The following PCDH9 variants were observed in gnomAD, a reference collection of about 807,000 sequenced individuals.
PCDH9 encodes protocadherin-9.
In PCDH9, 24 loss-of-function variants were observed where a neutral mutation model predicts 70.6. The observed-to-expected ratio is 0.34, with a 90% CI of 0.25 to 0.48. The LOEUF (loss-of-function observed/expected upper bound fraction) is 0.48. Ranked by LOEUF, PCDH9 falls within the 20% of genes least tolerant of loss-of-function variation. The probability of loss-of-function intolerance (pLI) is 0.99; values close to 1 mark genes in which losing one functional copy is unlikely to be tolerated. For synonymous variants in PCDH9, 562 were observed against 558.5 expected, an observed-to-expected ratio of 1.01 and a Z score of -0.09; for missense variants, 1,281 against 1,503.6, an observed-to-expected ratio of 0.85 and a Z score of 2.45.
chr13:66,931,441 AAATAAAT>A (rs1257595325), intron 2 of PCDH9, among the ~76,000 whole-genome samples: 1 of 152,108 alleles, frequency 6.6e-6, no homozygotes, highest in Non-Finnish European at 1.5e-5. Flanking sequence ...GTCTCCAAAA[AAATAAAT>A]TACTTGGCCA....
chr13:66,699,212 C>T (rs1207158398), intron 3 of PCDH9, among the ~76,000 whole-genome samples: 1 of 152,116 alleles, frequency 6.6e-6, no homozygotes, highest in East Asian at 1.9e-4. Flanking sequence ...CTGCGCCTGG[C>T]CCCAATTCCC....
intron 2 of PCDH9, among the ~76,000 whole-genome samples, chr13:66,922,305 G>A (rs900760391): frequency 5.3e-5 from 8 of 151,218 alleles, no homozygotes; most frequent in Non-Finnish European, 1.2e-4. Flanking sequence ...GTTCTATTTG[G>A]AATTATTAAA....
At chr13:66,604,613 T>C (rs1473180977) in intron 4 of PCDH9, among the ~76,000 whole-genome samples, 1 of 152,098 alleles carries the variant, frequency 6.6e-6, no homozygotes, top group African/African-American at 2.4e-5. Context: ...GATTTTTTCC[T>C]GAGGTGATTA....
At chr13:66,670,344 A>T (rs1044619677) in intron 3 of PCDH9, among the ~76,000 whole-genome samples, 3 of 152,230 alleles carry the variant, frequency 2.0e-5, no homozygotes, top group South Asian at 2.1e-4. Context: ...TGTCAGTAAT[A>T]TCACTAATAT....
chr13:66,855,922 A>T (rs182014616), intron 3 of PCDH9, among the ~76,000 whole-genome samples: 148 of 152,100 alleles, frequency 9.7e-4, no homozygotes, highest in Middle Eastern at 3.4e-3. Context: ...AATTCTATAA[A>T]TGACTTCAAA....
At chr13:67,185,685 A>G (rs1198855706) in intron 2 of PCDH9, among the ~76,000 whole-genome samples, 3 of 152,240 alleles carry the variant, frequency 2.0e-5, no homozygotes, top group Non-Finnish European at 2.9e-5. Flanking sequence ...TTCCTTTCCA[A>G]ATTATTTTCT....
At chr13:66,796,642 G>GTTCA (rs34139328) in intron 3 of PCDH9, among the ~76,000 whole-genome samples, 131,148 of 151,880 alleles carry the variant, frequency 0.86, 59,879 homozygotes, top group Non-Finnish European at 1. Context: ...CAGAATATAG[G>GTTCA]TTCACTGTAG....
intron 2 of PCDH9, among the ~76,000 whole-genome samples, chr13:67,036,438 C>T (rs1234597907): frequency 1.3e-5 from 2 of 152,170 alleles, no homozygotes; most frequent in East Asian, 3.9e-4. Context: ...CTTCAGGTCT[C>T]AGTGGCATTC....
intron 3 of PCDH9, among the ~76,000 whole-genome samples, chr13:66,744,532 G>A (rs1358727089): frequency 6.6e-6 from 1 of 152,110 alleles, no homozygotes; most frequent in East Asian, 1.9e-4. Context: ...CACAAAACAT[G>A]TTCACATGAG....
chr13:66,347,760 A>T (rs1956234030), intron 4 of PCDH9, among the ~76,000 whole-genome samples: 1 of 152,006 alleles, frequency 6.6e-6, no homozygotes, highest in Non-Finnish European at 1.5e-5. Context: ...AGCTGTGTCC[A>T]TTTGGCTAAT....
chr13:66,593,794 A>G (rs1014977498), intron 4 of PCDH9, among the ~76,000 whole-genome samples: 2 of 151,730 alleles, frequency 1.3e-5, no homozygotes, highest in Admixed American at 6.6e-5. Flanking sequence ...AAAGGATGAA[A>G]TTGATTTGTG....
intron 2 of PCDH9, among the ~76,000 whole-genome samples, chr13:67,110,246 G>A (rs1030313035): frequency 8.6e-5 from 13 of 151,560 alleles, no homozygotes; most frequent in Admixed American, 2.0e-4. Context: ...AGATACGGCC[G>A]GGTGCAGTGG....
intron 2 of PCDH9, among the ~76,000 whole-genome samples, chr13:66,956,477 G>A (rs573636138): frequency 3.9e-5 from 6 of 152,146 alleles, no homozygotes; most frequent in South Asian, 2.1e-4. Context: ...GGCCAGGTGC[G>A]GTGGTGGTTC....
rs536303156 is a variant in PCDH9 at position 66,985,598 on chromosome 13, C to G, written c.3037-81993G>C. On this transcript the variant is annotated intron_variant, in intron 2 of 4. Transcript: ENST00000377865. ...GCTATAATTGTATTTTGGTTTCTGC[C>G]AGGCATCAGGATAGCTCATTTGCAT... The G allele has an allele frequency of 2.0e-5, 3 of 152,128 alleles. No homozygotes were observed. The South Asian group carries it at 6.2e-4, about 32-fold the overall frequency. The allele number at this position is 152,128 out of a possible 1,614,324, so 9.4% of individuals were successfully genotyped here. A position where few individuals can be genotyped will look rare whatever the true frequency, so the allele number is the denominator to read the frequency against.
chr13:66,362,338 G>A (rs981685490), intron 4 of PCDH9, among the ~76,000 whole-genome samples: 8 of 152,124 alleles, frequency 5.3e-5, no homozygotes, highest in Non-Finnish European at 1.0e-4. Flanking sequence ...GTCTCTGTGA[G>A]CACTCCATTT....
At chr13:66,797,337 T>A (rs982970614) in intron 3 of PCDH9, among the ~76,000 whole-genome samples, 1 of 152,176 alleles carries the variant, frequency 6.6e-6, no homozygotes, top group Non-Finnish European at 1.5e-5. Context: ...TTTATGGTTA[T>A]TTAAAAGTAA....
chr13:67,219,385 G>T (rs1005764187), intron 2 of PCDH9: 16 of 152,012 alleles, frequency 1.1e-4, no homozygotes, highest in Admixed American at 2.0e-4. Flanking sequence ...ATGTTTGACA[G>T]ATTTGACAGT....
intron 4 of PCDH9, among the ~76,000 whole-genome samples, chr13:66,386,423 T>A (rs1956931448): frequency 6.6e-6 from 1 of 152,264 alleles, no homozygotes; most frequent in East Asian, 1.9e-4. Context: ...CTTTTTTGGA[T>A]GGGGGTTGAA....
intron 4 of PCDH9, among the ~76,000 whole-genome samples, chr13:66,365,008 C>T (rs891052400): frequency 6.6e-6 from 1 of 152,254 alleles, no homozygotes; most frequent in East Asian, 1.9e-4. Context: ...AGGATGGCTG[C>T]GTCCTCAGAA....
Sources: allele counts gnomAD v4.1 joint callset (sites outside exome capture counted in the v4.1 genomes callset), GRCh38; gene constraint gnomAD v4.1.1; transcripts MANE v1.5; gene names NCBI Gene and HGNC (gene_info 2026-07-23, HGNC 2026-07-21).